Variants in TDRD3 observed in about 807,000 individuals in gnomAD.
TDRD3 encodes the protein tudor domain containing 3.
Under a neutral mutation model 86.7 loss-of-function variants are expected in TDRD3, and 45 were observed. That is an observed-to-expected ratio of 0.52 (90% confidence interval 0.41 to 0.67). TDRD3 has a LOEUF of 0.67. TDRD3 is among the 30% of genes least tolerant of loss of function. TDRD3 has a pLI of 0.00. For synonymous variants in TDRD3, 298 were observed against 301.7 expected, an observed-to-expected ratio of 0.99 and a Z score of 0.13; for missense variants, 814 against 889.0, an observed-to-expected ratio of 0.92 and a Z score of 1.07.
chr13:60,467,191 GTGTTCTCAGCTTCAATA>G, intron 4 of TDRD3, 30 bp from the exon 5 acceptor site: 3 of 1,604,876 alleles, frequency 1.9e-6, no homozygotes, highest in Non-Finnish European at 2.6e-6. Flanking sequence ...CTGTGTCCAT[GTGTTCTCAGCTTCAATA>G]TGTTTTTAAC....
chr13:60,534,700 C>A (rs1404256855), intron 11 of TDRD3, among the ~76,000 whole-genome samples: 1 of 151,744 alleles, frequency 6.6e-6, no homozygotes, highest in Non-Finnish European at 1.5e-5. Context: ...CCAAGGCAGG[C>A]AGATCACTTG....
At chr13:60,504,659 A>G (rs796744899) in intron 8 of TDRD3, among the ~76,000 whole-genome samples, 10 of 152,328 alleles carry the variant, frequency 6.6e-5, no homozygotes, top group African/African-American at 2.4e-4. Flanking sequence ...AGATGGCTGA[A>G]TAGGAACAGC....
intron 13 of TDRD3, among the ~76,000 whole-genome samples, chr13:60,572,066 G>T (rs938543538): frequency 3.3e-5 from 5 of 152,158 alleles, no homozygotes; most frequent in Non-Finnish European, 7.3e-5. Flanking sequence ...AACTTTGTGC[G>T]TTTGGAGAGG....
At chr13:60,463,323 T>C (rs981830104) in intron 4 of TDRD3, among the ~76,000 whole-genome samples, 4 of 147,418 alleles carry the variant, frequency 2.7e-5, no homozygotes, top group Admixed American at 6.9e-5. Flanking sequence ...GAACACACCA[T>C]TGCGCTCCAG....
intron 8 of TDRD3, among the ~76,000 whole-genome samples, chr13:60,499,131 A>G (rs1306421140): frequency 2.0e-5 from 3 of 152,216 alleles, no homozygotes; most frequent in Admixed American, 1.3e-4. Flanking sequence ...ATCAAAAACA[A>G]TATTGCATCC....
At chr13:60,400,290 A>G (rs1954058670) in intron 1 of TDRD3, among the ~76,000 whole-genome samples, 1 of 152,220 alleles carries the variant, frequency 6.6e-6, no homozygotes, top group Admixed American at 6.5e-5. Context: ...ATCCCTGATC[A>G]CTGTGAGTGG....
intron 13 of TDRD3, 128 bp from the exon 14 acceptor site, chr13:60,573,488 T>C: frequency 3.8e-6 from 2 of 526,664 alleles, no homozygotes; most frequent in South Asian, 8.3e-5. Context: ...TCCAAAATTC[T>C]AGTTAAGATC....
chr13:60,451,243 G>A (rs1955533323), intron 3 of TDRD3, among the ~76,000 whole-genome samples: 1 of 152,172 alleles, frequency 6.6e-6, no homozygotes, highest in Non-Finnish European at 1.5e-5. Flanking sequence ...AGGTGTAGCT[G>A]CCTTGGAGTT....
chr13:60,524,889 G>C (rs1957376817), intron 10 of TDRD3, among the ~76,000 whole-genome samples: 1 of 151,524 alleles, frequency 6.6e-6, no homozygotes, highest in Non-Finnish European at 1.5e-5. Flanking sequence ...ATGAGGTCAG[G>C]AGTTTGAGAC....
intron 10 of TDRD3, among the ~76,000 whole-genome samples, chr13:60,519,863 T>A (rs1307127322): frequency 6.6e-6 from 1 of 152,198 alleles, no homozygotes; most frequent in African/African-American, 2.4e-5. Context: ...AGAAATTTTT[T>A]TCTTTTTTGT....
intron 10 of TDRD3, among the ~76,000 whole-genome samples, chr13:60,527,773 ACTTT>A (rs1346917975): frequency 6.6e-6 from 1 of 152,148 alleles, no homozygotes; most frequent in East Asian, 1.9e-4. Flanking sequence ...ACTCTTAATT[ACTTT>A]AACAGATCAA....
chr13:60,404,914 T>C (rs1410611989), intron 1 of TDRD3, among the ~76,000 whole-genome samples: 1 of 152,204 alleles, frequency 6.6e-6, no homozygotes. Context: ...CATGCTGTTC[T>C]CGTGATAGTG....
intron 7 of TDRD3, among the ~76,000 whole-genome samples, chr13:60,487,901 GTTC>G (rs1386927061): frequency 1.3e-5 from 2 of 152,116 alleles, no homozygotes; most frequent in Non-Finnish European, 2.9e-5. Context: ...GTACATAAGA[GTTC>G]TTCTTTCTTC....
intron 2 of TDRD3, among the ~76,000 whole-genome samples, chr13:60,443,235 G>A (rs1040110859): frequency 3.3e-5 from 5 of 151,920 alleles, no homozygotes; most frequent in Non-Finnish European, 5.9e-5. Context: ...TTATAAAACC[G>A]TCTTAATATA....
At chr13:60,560,880 G>A (rs1958316672) in intron 12 of TDRD3, among the ~76,000 whole-genome samples, 1 of 152,150 alleles carries the variant, frequency 6.6e-6, no homozygotes, top group South Asian at 2.1e-4. Context: ...CATGCATTTT[G>A]AAACAGTTGT....
intron 3 of TDRD3, 40 bp from the exon 4 acceptor site, chr13:60,460,340 A>G: frequency 3.9e-6 from 6 of 1,525,988 alleles, no homozygotes; most frequent in Non-Finnish European, 5.3e-6. Flanking sequence ...ATAGAGTTTC[A>G]TGACTAGAAA....
intron 12 of TDRD3, chr13:60,547,224 T>C: frequency 1.0e-6 from 1 of 985,394 alleles, no homozygotes. Flanking sequence ...TTCACCACTT[T>C]TGCCATTCTT....
chr13:60,531,583 G>C (rs904212549), intron 11 of TDRD3, among the ~76,000 whole-genome samples: 1 of 152,076 alleles, frequency 6.6e-6, no homozygotes, highest in Non-Finnish European at 1.5e-5. Flanking sequence ...TGAAAGCCTT[G>C]GTAAGTGACT....
At chr13:60,418,698 A>G (rs1381317957) in intron 1 of TDRD3, among the ~76,000 whole-genome samples, 2 of 152,222 alleles carry the variant, frequency 1.3e-5, no homozygotes, top group Non-Finnish European at 2.9e-5. Flanking sequence ...AATGTTATAT[A>G]GAATGTTTTC....
Sources: allele counts gnomAD v4.1 joint callset (sites outside exome capture counted in the v4.1 genomes callset), GRCh38; gene constraint gnomAD v4.1.1; transcripts MANE v1.5; gene names NCBI Gene and HGNC (gene_info 2026-07-23, HGNC 2026-07-21).